The following SPATA33 variants were observed in gnomAD, a reference collection of about 807,000 sequenced individuals.
SPATA33 encodes spermatogenesis associated 33, also known as spermatogenesis-associated protein 33.
SPATA33 carries 10 observed loss-of-function variants against 8.9 expected under a neutral mutation model. The observed-to-expected ratio is 1.12, with a 90% CI of 0.69 to 1.90. SPATA33 has a LOEUF of 1.90. SPATA33 is among the 40% of genes most tolerant of loss of function. SPATA33 has a pLI of 0.00. For missense variants in SPATA33, 241 were observed against 178.3 expected (o/e 1.35, Z -2.00); for synonymous variants, 96 against 72.8 (o/e 1.32, Z -1.63).
At position 89,658,219 on chromosome 16, in the gene SPATA33, G is replaced by A. The variant is rs577562729; in HGVS notation, c.38-29G>A. ...CACTGCCCTGCATTCGGTAAGTCCC[G>A]GGTCTAACGGATGATCCATATATTT... On this transcript the variant is annotated intron_variant, in intron 1 of 2. Coordinates refer to ENST00000579310, the MANE Select transcript of SPATA33 (RefSeq NM_001271907.2). 34 of 1,613,010 alleles carry A rather than the reference G, an allele frequency of 2.1e-5. No homozygotes were observed. In the East Asian group the frequency reaches 2.9e-4, roughly 14 times the overall value.
intron 1 of SPATA33, 60 bp downstream of exon 1, chr16:89,658,008 C>T: frequency 6.7e-7 from 1 of 1,490,972 alleles, no homozygotes; most frequent in Non-Finnish European, 8.8e-7. Flanking sequence ...GGGCCCAGGG[C>T]GGGGCTGGGC....
intron 2 of SPATA33, chr16:89,658,629 T>C: frequency 2.9e-6 from 2 of 699,266 alleles, no homozygotes; most frequent in South Asian, 3.9e-5. Flanking sequence ...AAAATGTAGG[T>C]CAGTTCCCGA....
At chr16:89,660,387 TG>T in intron 2 of SPATA33, 1 of 1,012,986 alleles carries the variant, frequency 9.9e-7, no homozygotes, top group Non-Finnish European at 1.3e-6. Flanking sequence ...GTAACGGAAG[TG>T]GGGGAAGGAG....
chr16:89,660,850 C>A, intron 2 of SPATA33: 1 of 1,144,614 alleles, frequency 8.7e-7, no homozygotes, highest in East Asian at 4.2e-5. Context: ...CCCTTCCAGC[C>A]CAGGAGCCAG....
intron 2 of SPATA33, chr16:89,660,744 G>C (rs1330490410): frequency 1.3e-6 from 1 of 796,990 alleles, no homozygotes; most frequent in Non-Finnish European, 1.7e-6. Context: ...GCCGGCCACA[G>C]CTGAGCACAA....
intron 2 of SPATA33, chr16:89,660,435 C>G: frequency 2.4e-6 from 3 of 1,229,848 alleles, no homozygotes; most frequent in Non-Finnish European, 3.0e-6. Flanking sequence ...GTGTCTGTCA[C>G]ACCAGAGGGT....
intron 2 of SPATA33, among the ~76,000 whole-genome samples, chr16:89,662,349 C>G (rs1041915409): frequency 6.6e-6 from 1 of 150,642 alleles, no homozygotes; most frequent in Non-Finnish European, 1.5e-5. Context: ...TAACAAAATA[C>G]TGATTGAAGC....
intron 2 of SPATA33, chr16:89,668,066 C>G (rs1412793297): frequency 6.6e-6 from 1 of 152,422 alleles, no homozygotes; most frequent in Admixed American, 6.5e-5. Context: ...AATCCCAGCA[C>G]TTTGGGAGGC....
intron 2 of SPATA33, chr16:89,658,631 A>G (rs547226191): frequency 9.3e-5 from 63 of 679,274 alleles, no homozygotes; most frequent in Admixed American, 1.5e-4. Flanking sequence ...AATGTAGGTC[A>G]GTTCCCGAGT....
chr16:89,666,039 C>T (rs1410281548), intron 2 of SPATA33, among the ~76,000 whole-genome samples: 4 of 152,112 alleles, frequency 2.6e-5, no homozygotes, highest in African/African-American at 7.2e-5. Context: ...CAAAATTGTG[C>T]CACTGCACTC....
rs571417054 is a variant in SPATA33, at chr16:89,669,594, T to C, written c.*97T>C. On this transcript the variant is annotated 3_prime_UTR_variant, in exon 3 of 3. Transcript: ENST00000579310. ...GAAGCCGAGGCCCCTTCTCCAGTGCTCTCGGGGAGGTTGCACCAGGCCCAC... is the reference window on the plus strand; with the variant it reads ...GAAGCCGAGGCCCCTTCTCCAGTGCCCTCGGGGAGGTTGCACCAGGCCCAC... 1 of 1,283,610 alleles carries C rather than the reference T, an allele frequency of 7.8e-7. No individual in the cohort carries two copies. The highest frequency in any genetic ancestry group is 2.5e-5 in the East Asian group (1 of 40,282). The allele number at this position is 1,283,610 out of a possible 1,614,324, so 79.5% of individuals were successfully genotyped here. A position where few individuals can be genotyped will look rare whatever the true frequency, so the allele number is the denominator to read the frequency against.
At chr16:89,664,862 G>A (rs943841621) in intron 2 of SPATA33, among the ~76,000 whole-genome samples, 3 of 152,324 alleles carry the variant, frequency 2.0e-5, no homozygotes, top group South Asian at 2.1e-4. Context: ...TCCCAGCCAC[G>A]CTGCACCTGC....
At chr16:89,658,131 G>A (rs2059907410) in intron 1 of SPATA33, 117 bp from the exon 2 acceptor site, 2 of 1,529,444 alleles carry the variant, frequency 1.3e-6, no homozygotes, top group African/African-American at 1.4e-5. Context: ...CGGAAACGCG[G>A]AGACTCGAGA....
chr16:89,663,253 T>G (rs932971353), intron 2 of SPATA33, among the ~76,000 whole-genome samples: 1 of 152,008 alleles, frequency 6.6e-6, no homozygotes, highest in Middle Eastern at 3.4e-3. Context: ...TTTTTTTTTT[T>G]TTTTAGGCTG....
intron 2 of SPATA33, among the ~76,000 whole-genome samples, chr16:89,667,392 T>G (rs1017334143): frequency 6.6e-6 from 1 of 152,216 alleles, no homozygotes; most frequent in Non-Finnish European, 1.5e-5. Context: ...TACAAATTAA[T>G]TAATGATATT....
chr16:89,668,284 C>T (rs919754550), intron 2 of SPATA33, among the ~76,000 whole-genome samples: 1 of 152,198 alleles, frequency 6.6e-6, no homozygotes, highest in African/African-American at 2.4e-5. Flanking sequence ...TGCACTCCAG[C>T]CTGGGTGACA....
chr16:89,667,785 C>T (rs554002531), intron 2 of SPATA33, among the ~76,000 whole-genome samples: 10 of 152,324 alleles, frequency 6.6e-5, no homozygotes, highest in African/African-American at 2.4e-4. Context: ...GCCTGAATAC[C>T]CCGTCTGACT....
intron 2 of SPATA33, chr16:89,660,352 A>T (rs1352370227): frequency 6.3e-6 from 4 of 635,492 alleles, no homozygotes; most frequent in Non-Finnish European, 9.0e-6. Context: ...GCTGTGAAGC[A>T]TGGGAGTGGG....
chr16:89,661,945 T>C (rs140575549), intron 2 of SPATA33, among the ~76,000 whole-genome samples: 1 of 152,298 alleles, frequency 6.6e-6, no homozygotes, highest in East Asian at 1.9e-4. Context: ...AATCCCTATC[T>C]AATAAATACA....
Sources: gnomAD v4.1 joint callset for allele counts (sites outside exome capture counted in the v4.1 genomes callset) on GRCh38, gnomAD v4.1.1 for gene constraint, MANE v1.5 for transcripts, NCBI Gene and HGNC (gene_info 2026-07-23, HGNC 2026-07-21) for gene names.